TBX20: variants seen among roughly 807,000 people sequenced by gnomAD.
TBX20 encodes the protein T-box transcription factor TBX20.
In TBX20, 8 loss-of-function variants were observed where a neutral mutation model predicts 42.9. The ratio of observed to expected loss-of-function variants is 0.19; its 90% CI spans 0.11 to 0.34. The LOEUF (loss-of-function observed/expected upper bound fraction) is 0.34. Among genes scored for constraint, TBX20 ranks in the 10% least tolerant of loss-of-function variants. The pLI is 1.00. For missense variants in TBX20, 411 were observed against 566.0 expected (o/e 0.73, Z 2.78); for synonymous variants, 198 against 222.8 (o/e 0.89, Z 0.99).
chr7:35,205,128 T>C (rs1158847041), intron 6 of TBX20, among the ~76,000 whole-genome samples: 3 of 151,770 alleles, frequency 2.0e-5, no homozygotes, highest in African/African-American at 7.3e-5. Flanking sequence ...ATATAGATAG[T>C]TTGGGTAATG....
chr7:35,252,809 G>A (rs6462599), intron 1 of TBX20, among the ~76,000 whole-genome samples: 61,528 of 152,050 alleles, frequency 0.4, 12,620 homozygotes, highest in Admixed American at 0.47. Flanking sequence ...CATAATCCCT[G>A]TTCTCCCTTT....
chr7:35,231,991 T>A (rs1197302351), intron 5 of TBX20, among the ~76,000 whole-genome samples: 1 of 152,222 alleles, frequency 6.6e-6, no homozygotes. Context: ...TAAGAATGCA[T>A]CTGACTTGGT....
intron 5 of TBX20, among the ~76,000 whole-genome samples, chr7:35,235,398 C>G (rs929634572): frequency 5.3e-5 from 8 of 151,626 alleles, no homozygotes; most frequent in African/African-American, 1.9e-4. Context: ...AGGATGCCTG[C>G]AGCTTGTAAT....
intron 4 of TBX20, among the ~76,000 whole-genome samples, chr7:35,241,492 T>C (rs1157887367): frequency 7.7e-6 from 1 of 130,570 alleles, no homozygotes; most frequent in Non-Finnish European, 1.7e-5. Flanking sequence ...TTAGACAGAC[T>C]TGGGTAAAAA....
At chr7:35,233,774 G>A (rs990718845) in intron 5 of TBX20, among the ~76,000 whole-genome samples, 9 of 152,180 alleles carry the variant, frequency 5.9e-5, no homozygotes, top group Non-Finnish European at 8.8e-5. Flanking sequence ...CTTAAAATGC[G>A]TTCTACTTCT....
chr7:35,245,893 T>C (rs1790174327), intron 3 of TBX20, among the ~76,000 whole-genome samples: 1 of 152,226 alleles, frequency 6.6e-6, no homozygotes, highest in Non-Finnish European at 1.5e-5. Context: ...ACTTAAGTCT[T>C]TCTGAAGTCA....
rs569791870 is a variant in TBX20, at chr7:35,216,843, A to C, written c.891-12261T>G. ...TGAAAATCAAATATAATTTATAAAA[A>C]ACAAAATATATAATGTTGTTTTTGC... On this transcript the variant is annotated intron_variant, in intron 6 of 7. Transcript: ENST00000408931. Among the ~76,000 whole-genome samples the C allele has an allele frequency of 7.7e-4, 118 of 152,314 alleles. 1 individual carries two copies. The South Asian group carries it at 8.1e-3, about 10-fold the overall frequency.
chr7:35,232,994 T>C (rs1017381881), intron 5 of TBX20, among the ~76,000 whole-genome samples: 8 of 152,198 alleles, frequency 5.3e-5, no homozygotes, highest in African/African-American at 1.9e-4. Context: ...CACTCCAGCC[T>C]GGGCGACAAG....
chr7:35,249,149 A>C lies in TBX20; in HGVS notation c.381-308T>G, dbSNP rs1298861423. Among the ~76,000 whole-genome samples the C allele has an allele frequency of 6.6e-6, 1 of 152,170 alleles. No individual in the cohort carries two copies. The highest frequency in any genetic ancestry group is 1.5e-5 in the Non-Finnish European group (1 of 68,024). On this transcript the variant is annotated intron_variant, in intron 2 of 7. Coordinates refer to ENST00000408931, the MANE Select transcript of TBX20 (RefSeq NM_001077653.2). This position sits in a 1 kb window ranked among gnomAD's most constrained non-coding sequence, Gnocchi z 4.3. ...AAGGTCTGTGATTAGGGAAAATCCC[A>C]TGCATTTTAACGATCAAGCACATTA...
At chr7:35,210,785 T>C (rs1033431838) in intron 6 of TBX20, among the ~76,000 whole-genome samples, 5 of 152,180 alleles carry the variant, frequency 3.3e-5, no homozygotes, top group African/African-American at 9.7e-5. Context: ...TGTCTTTACA[T>C]AGAAAGCACA....
intron 6 of TBX20, among the ~76,000 whole-genome samples, chr7:35,228,455 A>G (rs181485424): frequency 6.6e-6 from 1 of 152,248 alleles, no homozygotes; most frequent in Admixed American, 6.5e-5. Flanking sequence ...CTCTAAGGAA[A>G]TGGGGTTTAA....
At chr7:35,217,119 C>T (rs1789604563) in intron 6 of TBX20, among the ~76,000 whole-genome samples, 1 of 152,098 alleles carries the variant, frequency 6.6e-6, no homozygotes, top group Non-Finnish European at 1.5e-5. Flanking sequence ...CAAAATGACT[C>T]TAACTTAATC....
intron 6 of TBX20, among the ~76,000 whole-genome samples, chr7:35,222,149 T>C (rs1294784518): frequency 1.3e-5 from 2 of 152,214 alleles, no homozygotes; most frequent in Non-Finnish European, 2.9e-5. Context: ...AAGGTTCAGC[T>C]ATCACAAATC....
chr7:35,211,918 G>A (rs1789503718), intron 6 of TBX20, among the ~76,000 whole-genome samples: 1 of 151,920 alleles, frequency 6.6e-6, no homozygotes, highest in Admixed American at 6.6e-5. Context: ...ATTTCTTCAT[G>A]CTTTTTGAGC....
intron 6 of TBX20, among the ~76,000 whole-genome samples, chr7:35,213,877 CAAAAA>C (rs59548164): frequency 1.7e-5 from 1 of 59,772 alleles, no homozygotes; most frequent in South Asian, 7.8e-4. Context: ...GCAGAGATAG[CAAAAA>C]AAAAAAAAAA....
At chr7:35,224,492 G>C (rs1789736871) in intron 6 of TBX20, among the ~76,000 whole-genome samples, 1 of 152,338 alleles carries the variant, frequency 6.6e-6, no homozygotes, top group Non-Finnish European at 1.5e-5. Flanking sequence ...GACCAACATG[G>C]AGAAACTCTG....
chr7:35,240,821 T>A (rs1012293795), intron 5 of TBX20, 58 bp downstream of exon 5: 9 of 1,507,652 alleles, frequency 6.0e-6, no homozygotes, highest in Non-Finnish European at 8.3e-6. Flanking sequence ...CAAGAAAATA[T>A]AAGAACCTCC....
chr7:35,235,173 C>T (rs145593380), intron 5 of TBX20, among the ~76,000 whole-genome samples: 34,669 of 150,630 alleles, frequency 0.23, 4,687 homozygotes, highest in Non-Finnish European at 0.31. Context: ...GGTAATCATA[C>T]GTTTTAAAAG....
At chr7:35,231,470 C>T in intron 6 of TBX20, 34 bp downstream of exon 6, 1 of 1,493,574 alleles carries the variant, frequency 6.7e-7, no homozygotes, top group Non-Finnish European at 9.3e-7. Flanking sequence ...TTGATCTTAT[C>T]TGAACAAGAA....
Sources: allele counts gnomAD v4.1 joint callset (sites outside exome capture counted in the v4.1 genomes callset), GRCh38; gene constraint gnomAD v4.1.1; non-coding constraint Gnocchi (gnomAD v3.1); transcripts MANE v1.5; gene names NCBI Gene and HGNC (gene_info 2026-07-23, HGNC 2026-07-21).